Variants in MACROD2 observed in about 807,000 individuals in gnomAD.
MACROD2 encodes ADP-ribose glycohydrolase MACROD2.
MACROD2 carries 36 observed loss-of-function variants against 70.4 expected under a neutral mutation model. The ratio of observed to expected loss-of-function variants is 0.51; its 90% CI spans 0.39 to 0.68. The LOEUF (loss-of-function observed/expected upper bound fraction) is 0.68, where lower values mean the gene tolerates loss of function less well. Ranked by LOEUF, MACROD2 falls within the 30% of genes least tolerant of loss-of-function variation. The probability of loss-of-function intolerance (pLI) is 0.00; values close to 1 mark genes in which losing one functional copy is unlikely to be tolerated. For missense variants in MACROD2, 496 were observed against 538.4 expected, an observed-to-expected ratio of 0.92 and a Z score of 0.78; for synonymous variants, 172 against 178.8, an observed-to-expected ratio of 0.96 and a Z score of 0.30.
intron 5 of MACROD2, among the ~76,000 whole-genome samples, chr20:14,798,849 T>C (rs1428651590): frequency 1.3e-5 from 2 of 152,042 alleles, no homozygotes; most frequent in African/African-American, 2.4e-5. Flanking sequence ...TAATTTTTCA[T>C]TGTGATTTGT....
intron 3 of MACROD2, among the ~76,000 whole-genome samples, chr20:14,235,961 T>C (rs2081866140): frequency 6.6e-6 from 1 of 152,150 alleles, no homozygotes; most frequent in Non-Finnish European, 1.5e-5. Flanking sequence ...GACATACTGC[T>C]CATGGACTAG....
intron 12 of MACROD2, among the ~76,000 whole-genome samples, chr20:15,947,913 A>G (rs1024395746): frequency 6.6e-6 from 1 of 152,148 alleles, no homozygotes; most frequent in South Asian, 2.1e-4. Context: ...AAAATGGGCC[A>G]CTTTTTGCTG....
chr20:15,304,862 C>T (rs2077681799), intron 6 of MACROD2, among the ~76,000 whole-genome samples: 1 of 152,260 alleles, frequency 6.6e-6, no homozygotes, highest in South Asian at 2.1e-4. Context: ...CTCCTTTGGT[C>T]TGTGTGCCCT....
At chr20:15,031,848 G>A (rs1264586937) in intron 5 of MACROD2, among the ~76,000 whole-genome samples, 2 of 152,112 alleles carry the variant, frequency 1.3e-5, no homozygotes, top group African/African-American at 4.8e-5. Context: ...TCCCTGGCTT[G>A]AAGGTGGGGT....
intron 5 of MACROD2, among the ~76,000 whole-genome samples, chr20:15,044,189 A>G (rs6131632): frequency 0.17 from 25,897 of 152,054 alleles, 2,849 homozygotes; most frequent in East Asian, 0.33. Flanking sequence ...CTCATCCTGA[A>G]GCTATTTAGG....
At chr20:15,843,300 A>G (rs1482467721) in intron 8 of MACROD2, among the ~76,000 whole-genome samples, 2 of 152,296 alleles carry the variant, frequency 1.3e-5, no homozygotes, top group South Asian at 2.1e-4. Flanking sequence ...AGTTGACTCT[A>G]CTTTGTTATT....
At chr20:14,692,848 C>A (rs1286799452) in intron 5 of MACROD2, among the ~76,000 whole-genome samples, 1 of 152,156 alleles carries the variant, frequency 6.6e-6, no homozygotes. Flanking sequence ...TATTTTGACC[C>A]ATTGTGATAA....
chr20:14,453,932 C>G (rs566754875), intron 3 of MACROD2, among the ~76,000 whole-genome samples: 4 of 151,336 alleles, frequency 2.6e-5, no homozygotes, highest in Non-Finnish European at 5.9e-5. Context: ...GTTTTCATAC[C>G]TTAATTTATT....
At chr20:14,540,011 G>C (rs1321794444) in intron 4 of MACROD2, among the ~76,000 whole-genome samples, 2 of 152,044 alleles carry the variant, frequency 1.3e-5, no homozygotes, top group African/African-American at 4.8e-5. Context: ...GGTCCTTATA[G>C]TCTCATAACT....
At chr20:15,248,360 C>T (rs1046038205) in intron 6 of MACROD2, among the ~76,000 whole-genome samples, 2 of 152,204 alleles carry the variant, frequency 1.3e-5, no homozygotes, top group Non-Finnish European at 2.9e-5. Flanking sequence ...CTCTCAGCTT[C>T]CAGGACACCA....
intron 8 of MACROD2, among the ~76,000 whole-genome samples, chr20:15,843,102 G>C (rs117516401): frequency 6.6e-6 from 1 of 152,068 alleles, no homozygotes; most frequent in African/African-American, 2.4e-5. Context: ...CCTCCACTCT[G>C]GACACTATGA....
chr20:14,063,184 A>G (rs1248854774), intron 2 of MACROD2, among the ~76,000 whole-genome samples: 1 of 152,230 alleles, frequency 6.6e-6, no homozygotes, highest in East Asian at 1.9e-4. Context: ...TAATTTTTGT[A>G]TATCTAAGGT....
At chr20:14,140,072 T>C (rs984834103) in intron 3 of MACROD2, among the ~76,000 whole-genome samples, 1 of 152,164 alleles carries the variant, frequency 6.6e-6, no homozygotes, top group Non-Finnish European at 1.5e-5. Context: ...TCAAAACACT[T>C]CTGTCTCAAG....
intron 5 of MACROD2, among the ~76,000 whole-genome samples, chr20:15,020,748 A>C (rs1281696989): frequency 6.6e-6 from 1 of 152,046 alleles, no homozygotes; most frequent in African/African-American, 2.4e-5. Context: ...CACAATGTTA[A>C]CGATTTGTGT....
intron 5 of MACROD2, among the ~76,000 whole-genome samples, chr20:15,226,498 A>G (rs2076907701): frequency 6.6e-6 from 1 of 152,216 alleles, no homozygotes; most frequent in Non-Finnish European, 1.5e-5. Flanking sequence ...TGTATATTAC[A>G]TATATATGTC....
Position 15,295,200 on chromosome 20 carries a change from A to G in MACROD2, c.540+65139A>G, listed in dbSNP as rs945761967. ...TGAGACATGCCTTTGCTCTTCCTTC[A>G]CCTTCTGCTATAATTGTGAGTCCTC... On this transcript the variant is annotated intron_variant, in intron 6 of 17. Coordinates refer to ENST00000684519, the MANE Select transcript of MACROD2 (RefSeq NM_001351661.2). Among the ~76,000 whole-genome samples, 21 of 151,996 alleles carry G rather than the reference A, an allele frequency of 1.4e-4. 1 individual carries two copies. Among genetic ancestry groups the G allele is most frequent in the Non-Finnish European group, 1.5e-5 (1 of 67,986 alleles).
At chr20:15,642,609 CACACA>C (rs2049478450) in intron 8 of MACROD2, among the ~76,000 whole-genome samples, 3 of 116,186 alleles carry the variant, frequency 2.6e-5, no homozygotes, top group African/African-American at 1.6e-4. Flanking sequence ...CACACACACA[CACACA>C]CACACACACA....
At chr20:14,987,973 A>G (rs143372069) in intron 5 of MACROD2, among the ~76,000 whole-genome samples, 135 of 152,268 alleles carry the variant, frequency 8.9e-4, no homozygotes, top group African/African-American at 3.0e-3. Context: ...TTTTCTCCTC[A>G]GCCTGTTTTC....
At chr20:15,622,683 C>A (rs562487248) in intron 8 of MACROD2, among the ~76,000 whole-genome samples, 1 of 152,268 alleles carries the variant, frequency 6.6e-6, no homozygotes, top group South Asian at 2.1e-4. Context: ...TTTCACAAGG[C>A]CTACGTCATC....
Sources: gnomAD v4.1 joint callset for allele counts (sites outside exome capture counted in the v4.1 genomes callset) on GRCh38, gnomAD v4.1.1 for gene constraint, MANE v1.5 for transcripts, NCBI Gene and HGNC (gene_info 2026-07-23, HGNC 2026-07-21) for gene names.